Variants in SDK2 observed in about 807,000 individuals in gnomAD.
The protein encoded by SDK2 is protein sidekick-2.
SDK2 carries 105 observed loss-of-function variants against 253.9 expected under a neutral mutation model. The observed-to-expected ratio is 0.41, with a 90% CI of 0.35 to 0.49. The LOEUF (loss-of-function observed/expected upper bound fraction) is 0.49, where lower values mean the gene tolerates loss of function less well. Among genes scored for constraint, SDK2 ranks in the 20% least tolerant of loss-of-function variants. The probability of loss-of-function intolerance (pLI) is 0.06; values close to 1 mark genes in which losing one functional copy is unlikely to be tolerated. For synonymous variants in SDK2, 1,249 were observed against 1,234.9 expected (o/e 1.01, Z -0.24); for missense variants, 2,608 against 3,003.0 (o/e 0.87, Z 3.07).
At chr17:73,378,709 C>A (rs143951696) in intron 36 of SDK2, among the ~76,000 whole-genome samples, 2 of 152,126 alleles carry the variant, frequency 1.3e-5, no homozygotes, top group Non-Finnish European at 2.9e-5. Flanking sequence ...TGTGAGCCAC[C>A]GCGCCCAGCC....
chr17:73,631,130 C>T (rs893233911), intron 1 of SDK2, among the ~76,000 whole-genome samples: 5 of 152,106 alleles, frequency 3.3e-5, no homozygotes, highest in East Asian at 3.9e-4. Context: ...CACTGACAGC[C>T]GCGTATTTAT....
In SDK2 at chr17:73,395,953, GTC is replaced by G. The variant is rs2062967989; in HGVS notation, c.3355-563_3355-562del. Among the ~76,000 whole-genome samples the G allele has an allele frequency of 6.6e-6, 1 of 151,338 alleles. No homozygotes were observed. The highest frequency in any genetic ancestry group is 1.5e-5 in the Non-Finnish European group (1 of 67,916). ...TTTTTTTAAGACAGGGTCTGGCTCTGTCTCTCAGGCTGCAGTGCCATGGTGCT... is the reference window on the plus strand; with the variant it reads ...TTTTTTTAAGACAGGGTCTGGCTCTGTCTCAGGCTGCAGTGCCATGGTGCT... On this transcript the variant is annotated intron_variant, in intron 24 of 44. Transcript: ENST00000392650. This position sits in a 1 kb window ranked among gnomAD's most constrained non-coding sequence, Gnocchi z 4.3.
chr17:73,515,105 C>T (rs78761095), intron 1 of SDK2, among the ~76,000 whole-genome samples: 2,496 of 152,340 alleles, frequency 0.016, 75 homozygotes, highest in African/African-American at 0.054. Flanking sequence ...CTGAGTTCAT[C>T]TCAAGGAAAC....
chr17:73,394,166 G>A (rs368550768), intron 26 of SDK2, 43 bp downstream of exon 26: 556 of 1,243,852 alleles, frequency 4.5e-4, no homozygotes, highest in Non-Finnish European at 4.7e-4. Flanking sequence ...GAGGCTGGAG[G>A]GGCCAGTGTA....
In SDK2 at chr17:73,616,649, A is replaced by G. The variant is rs560132819; in HGVS notation, c.64+27376T>C. ...ATGATGCTATAAACGAAGGAAGATA[A>G]GAAACTAACTAGTCCAGCTAGTTTT... On this transcript the variant is annotated intron_variant, in intron 1 of 44. Transcript: ENST00000392650. The surrounding 1 kb of genome is among the most constrained non-coding windows in gnomAD (Gnocchi z 5.2). Among the ~76,000 whole-genome samples, 1 of 152,332 alleles carries G rather than the reference A, an allele frequency of 6.6e-6. No individual in the cohort carries two copies. Among genetic ancestry groups the G allele is most frequent in the Non-Finnish European group, 1.5e-5 (1 of 68,024 alleles).
At chr17:73,469,672 C>T (rs2145689416) in intron 3 of SDK2, among the ~76,000 whole-genome samples, 1 of 152,154 alleles carries the variant, frequency 6.6e-6, no homozygotes, top group South Asian at 2.1e-4. Flanking sequence ...GAGGGAGTTC[C>T]CCCCACCCTG....
chr17:73,469,992 G>GCGCGCACACA (rs1328450219), intron 3 of SDK2, among the ~76,000 whole-genome samples: 104 of 126,262 alleles, frequency 8.2e-4, no homozygotes, highest in Admixed American at 1.1e-3. Context: ...GCGCGCGCGC[G>GCGCGCACACA]CACACACACA....
At position 73,579,317 on chromosome 17, in the gene SDK2, G is replaced by A. The variant is rs963507159; in HGVS notation, c.64+64708C>T. The stretch of plus-strand genomic sequence containing the variant: ...GAGACCATGTTTCTTATCAGGGCCC[G>A]AGGGGTCAGGCCTCTGCTGCCCTCT... On this transcript the variant is annotated intron_variant, in intron 1 of 44. Coordinates refer to ENST00000392650, the MANE Select transcript of SDK2 (RefSeq NM_001144952.2). Among the ~76,000 whole-genome samples the A allele has an allele frequency of 3.3e-5, 5 of 152,246 alleles. No individual in the cohort carries two copies. The South Asian group carries it at 6.2e-4, about 19-fold the overall frequency.
chr17:73,437,939 C>T (rs575886342), intron 7 of SDK2, 25 bp downstream of exon 7: 11 of 1,558,396 alleles, frequency 7.1e-6, no homozygotes, highest in African/African-American at 1.4e-5. Flanking sequence ...CTCAGGGGAG[C>T]CCTAGCAGCC....
chr17:73,496,795 G>A lies in SDK2; in HGVS notation c.224+10643C>T, dbSNP rs1387680141. On this transcript the variant is annotated intron_variant, in intron 2 of 44. Transcript: ENST00000392650. The surrounding 1 kb of genome is among the most constrained non-coding windows in gnomAD (Gnocchi z 4.7). ...GGATTCCCCCTCCACTCCCTGCCCC[G>A]ACTTGCTCATCCCTCTCTAACTCCT... 6.6e-6 allele frequency among the ~76,000 whole-genome samples: 1 copy of A among 151,908 alleles called. No individual in the cohort carries two copies. Among genetic ancestry groups the A allele is most frequent in the South Asian group, 2.1e-4 (1 of 4,814 alleles).
At chr17:73,436,199 G>A (rs183366198) in intron 8 of SDK2, among the ~76,000 whole-genome samples, 3 of 152,312 alleles carry the variant, frequency 2.0e-5, no homozygotes, top group Non-Finnish European at 4.4e-5. Context: ...GCACTTGGAA[G>A]CCCCCCATAC....
At chr17:73,530,525 C>T (rs2064160707) in intron 1 of SDK2, among the ~76,000 whole-genome samples, 1 of 152,128 alleles carries the variant, frequency 6.6e-6, no homozygotes, top group African/African-American at 2.4e-5. Context: ...AGACACAGAG[C>T]CAAACCATAT....
intron 6 of SDK2, 54 bp from the exon 7 acceptor site, chr17:73,438,208 G>C: frequency 6.7e-7 from 1 of 1,484,314 alleles, no homozygotes; most frequent in Non-Finnish European, 9.1e-7. Context: ...CCAGAGGCCT[G>C]AGAGGCAGGG....
Position 73,435,339 on chromosome 17 carries a change from A to G in SDK2, c.1195+111T>C. 1.8e-6 allele frequency: 2 copies of G among 1,105,732 alleles called. No individual in the cohort carries two copies. 68.5% of individuals were successfully genotyped at this position (1,105,732 alleles called of 1,614,324 possible). ...GCAGCAGGCGGCCTTTGGGGATCCT[A>G]TCTGCTTAATGGAACGTGCTATGCA... On this transcript the variant is annotated intron_variant, in intron 9 of 44. Coordinates refer to ENST00000392650, the MANE Select transcript of SDK2 (RefSeq NM_001144952.2). The surrounding 1 kb of genome is among the most constrained non-coding windows in gnomAD (Gnocchi z 5.7).
At position 73,383,277 on chromosome 17, in the gene SDK2, C is replaced by A. The variant is rs2062846310; in HGVS notation, c.4705+599G>T. Among the ~76,000 whole-genome samples, 2 of 152,226 alleles carry A rather than the reference C, an allele frequency of 1.3e-5. No individual in the cohort carries two copies. The highest frequency in any genetic ancestry group is 1.3e-4 in the Admixed American group (2 of 15,276). On this transcript the variant is annotated intron_variant, in intron 33 of 44. Coordinates refer to ENST00000392650, the MANE Select transcript of SDK2 (RefSeq NM_001144952.2). The surrounding 1 kb of genome is among the most constrained non-coding windows in gnomAD (Gnocchi z 4.3). Reference sequence around the variant, plus strand: ...ACACAAAAGTCCAAACACGTCTTTCCCTTGCCGTGGTCTTCTGGGCATCGG... The same window carrying A: ...ACACAAAAGTCCAAACACGTCTTTCACTTGCCGTGGTCTTCTGGGCATCGG...
intron 44 of SDK2, among the ~76,000 whole-genome samples, chr17:73,340,734 G>GTTTGTTTTTTT (rs1477371864): frequency 1.3e-5 from 1 of 77,550 alleles, no homozygotes; most frequent in Non-Finnish European, 2.2e-5. Flanking sequence ...AAACCTTAAA[G>GTTTGTTTTTTT]TTTTTTTTTT....
At chr17:73,349,488 A>G (rs2062515737) in intron 43 of SDK2, among the ~76,000 whole-genome samples, 1 of 152,196 alleles carries the variant, frequency 6.6e-6, no homozygotes, top group African/African-American at 2.4e-5. Context: ...GGGAACAGAA[A>G]ACCGCCACAC....
At chr17:73,488,356 G>A (rs560309378) in intron 2 of SDK2, among the ~76,000 whole-genome samples, 25 of 152,294 alleles carry the variant, frequency 1.6e-4, no homozygotes, top group African/African-American at 5.5e-4. Flanking sequence ...CAGGCAGCTC[G>A]CTGTAAGGCT....
rs1001731910 is a variant in SDK2 at position 73,511,207 on chromosome 17, G to A, written c.65-3610C>T. On this transcript the variant is annotated intron_variant, in intron 1 of 44. Coordinates refer to ENST00000392650, the MANE Select transcript of SDK2 (RefSeq NM_001144952.2). This position sits in a 1 kb window ranked among gnomAD's most constrained non-coding sequence, Gnocchi z 4.9. ...CCTCTGTTCATTGCTGTCATCACTC[G>A]TTTGTTTTAAAACAATAACGATCCA... Among the ~76,000 whole-genome samples, 5 of 152,314 alleles carry A rather than the reference G, an allele frequency of 3.3e-5. No individual in the cohort carries two copies. Among genetic ancestry groups the A allele is most frequent in the South Asian group, 4.1e-4 (2 of 4,828 alleles).
Sources: allele counts gnomAD v4.1 joint callset (sites outside exome capture counted in the v4.1 genomes callset), GRCh38; gene constraint gnomAD v4.1.1; non-coding constraint Gnocchi (gnomAD v3.1); transcripts MANE v1.5; gene names NCBI Gene and HGNC (gene_info 2026-07-23, HGNC 2026-07-21).